MCCC2: variants seen among roughly 807,000 people sequenced by gnomAD.
MCCC2 encodes the protein methylcrotonyl-CoA carboxylase subunit 2.
A neutral mutation model predicts 77.2 loss-of-function variants in MCCC2; 52 were observed. The observed-to-expected ratio is 0.67, with a 90% CI of 0.54 to 0.85. The LOEUF (loss-of-function observed/expected upper bound fraction) is 0.85, where lower values mean the gene tolerates loss of function less well. MCCC2 is among the 40% of genes least tolerant of loss of function. The pLI is 0.00. For missense variants in MCCC2, 682 were observed against 703.2 expected, an observed-to-expected ratio of 0.97 and a Z score of 0.34; for synonymous variants, 253 against 248.4, an observed-to-expected ratio of 1.02 and a Z score of -0.18.
chr5:71,649,234 ATG>A lies in MCCC2; in HGVS notation c.1359_1360del (p.Cys453TrpfsTer5). The A allele has an allele frequency of 6.2e-7, 1 of 1,614,156 alleles. No homozygotes were observed. Among genetic ancestry groups the A allele is most frequent in the East Asian group, 2.2e-5 (1 of 44,886 alleles). ...CTCCTATGGAGCCGGAAACTATGGG[ATG>A]TGTGGCAGAGCATATAGGTAGGTGT... ...GGSYGAGNYG[M>X]CGRAYSPRFL... On this transcript the variant is annotated frameshift_variant, in exon 14 of 17. Coordinates refer to ENST00000340941, the MANE Select transcript of MCCC2 (RefSeq NM_022132.5). LOFTEE classifies it high-confidence loss of function.
chr5:71,596,500 T>A, intron 3 of MCCC2, 136 bp downstream of exon 3: 1 of 821,980 alleles, frequency 1.2e-6, no homozygotes, highest in Non-Finnish European at 2.1e-6. Flanking sequence ...GAGAGCCTAC[T>A]ATGTGTCAAG....
At chr5:71,612,079 C>CAGGCATGAGCCACCGCG (rs1160543089) in intron 6 of MCCC2, among the ~76,000 whole-genome samples, 3 of 152,190 alleles carry the variant, frequency 2.0e-5, no homozygotes, top group Admixed American at 2.0e-4. Context: ...GCTGGGATAA[C>CAGGCATGAGCCACCGCG]AGGCATGAGC....
intron 6 of MCCC2, among the ~76,000 whole-genome samples, chr5:71,614,441 A>G (rs974172788): frequency 2.0e-5 from 3 of 150,136 alleles, no homozygotes; most frequent in Non-Finnish European, 4.4e-5. Context: ...GGAGTTTAAG[A>G]TCTAACGTGG....
intron 4 of MCCC2, 66 bp downstream of exon 4, chr5:71,599,826 C>T (rs1024570846): frequency 8.1e-7 from 1 of 1,236,332 alleles, no homozygotes; most frequent in Non-Finnish European, 1.2e-6. Flanking sequence ...CACAGGCATC[C>T]AGCACTCACT....
At position 71,589,801 on chromosome 5, in the gene MCCC2, C is replaced by T. The variant is rs190141551; in HGVS notation, c.129+2247C>T. ...TGTGCAGTAGGTACAATTGTTATTT[C>T]TGTTTTATAGATGGGAAAACTGTGG... On this transcript the variant is annotated intron_variant, in intron 1 of 16. Transcript: ENST00000340941. Among the ~76,000 whole-genome samples the T allele has an allele frequency of 3.2e-4, 48 of 152,286 alleles. 1 individual carries two copies. The highest frequency in any genetic ancestry group is 2.6e-3 in the Admixed American group (40 of 15,300).
chr5:71,597,485 C>A (rs1407061042), intron 3 of MCCC2, among the ~76,000 whole-genome samples: 1 of 151,776 alleles, frequency 6.6e-6, no homozygotes, highest in Non-Finnish European at 1.5e-5. Context: ...AGGTAGAGGG[C>A]GATTGCAAGG....
intron 6 of MCCC2, among the ~76,000 whole-genome samples, chr5:71,615,045 C>CAAA (rs1321548107): frequency 6.6e-6 from 1 of 152,148 alleles, no homozygotes; most frequent in African/African-American, 2.4e-5. Flanking sequence ...CGGCTCACTG[C>CAAA]AACCTCCACC....
intron 8 of MCCC2, among the ~76,000 whole-genome samples, chr5:71,633,137 A>ATTTTTTT (rs1294234605): frequency 1.5e-5 from 1 of 68,096 alleles, no homozygotes; most frequent in Admixed American, 2.1e-4. Flanking sequence ...ATATATTTTT[A>ATTTTTTT]TTTTTTGTAG....
intron 4 of MCCC2, among the ~76,000 whole-genome samples, chr5:71,600,112 C>T (rs916399012): frequency 6.6e-6 from 1 of 151,996 alleles, no homozygotes; most frequent in Non-Finnish European, 1.5e-5. Flanking sequence ...TTGCAGTGAG[C>T]TGAGATGGAG....
intron 6 of MCCC2, among the ~76,000 whole-genome samples, chr5:71,613,610 C>T (rs1325943528): frequency 2.0e-5 from 3 of 152,078 alleles, no homozygotes; most frequent in Admixed American, 2.0e-4. Flanking sequence ...TGGGCACACA[C>T]CTGTGGTCCT....
Position 71,602,788 on chromosome 5 carries a change from C to T in MCCC2, c.511+155C>T, listed in dbSNP as rs1745492849. ...AAACACAGGTTCTTTGCTGAAAACT[C>T]TGGGGGAAAGTAAACAAGAACTGTT... On this transcript the variant is annotated intron_variant, in intron 5 of 16. Transcript: ENST00000340941. 8 of 1,134,730 alleles carry T rather than the reference C, an allele frequency of 7.1e-6. No homozygotes were observed. The East Asian group carries it at 2.1e-4, about 29-fold the overall frequency. The allele number at this position is 1,134,730 out of a possible 1,614,324, so 70.3% of individuals were successfully genotyped here. A position where few individuals can be genotyped will look rare whatever the true frequency, so the allele number is the denominator to read the frequency against.
At chr5:71,595,519 T>G (rs994683389) in intron 2 of MCCC2, among the ~76,000 whole-genome samples, 1 of 151,886 alleles carries the variant, frequency 6.6e-6, no homozygotes, top group Non-Finnish European at 1.5e-5. Context: ...CTGAAATAGC[T>G]GAACATTTCA....
intron 10 of MCCC2, among the ~76,000 whole-genome samples, chr5:71,640,073 G>A (rs1468000659): frequency 3.9e-5 from 6 of 152,126 alleles, no homozygotes; most frequent in Admixed American, 2.0e-4. Context: ...ACTCCTTACA[G>A]TAGTCCTGAT....
chr5:71,637,104 G>C (rs1313706509), intron 10 of MCCC2, among the ~76,000 whole-genome samples: 4 of 152,178 alleles, frequency 2.6e-5, no homozygotes, highest in Non-Finnish European at 1.5e-5. Context: ...TCAGCTTAAA[G>C]ATACATTATT....
chr5:71,604,542 A>T, intron 6 of MCCC2, 74 bp downstream of exon 6: 1 of 1,110,728 alleles, frequency 9.0e-7, no homozygotes, highest in Non-Finnish European at 1.4e-6. Context: ...GTACTCTGGG[A>T]TGGCTTGAAA....
At chr5:71,618,532 CCTTCCTTCCTTCCTTCCTTT>C (rs1173333291) in intron 6 of MCCC2, among the ~76,000 whole-genome samples, 13 of 57,952 alleles carry the variant, frequency 2.2e-4, no homozygotes, top group Non-Finnish European at 3.4e-4. Flanking sequence ...TTCCTTCCTT[CCTTCCTTCCTTCCTTCCTTT>C]CTTTCTTTCT....
intron 6 of MCCC2, among the ~76,000 whole-genome samples, chr5:71,610,221 C>T (rs1745875723): frequency 6.6e-6 from 1 of 152,222 alleles, no homozygotes; most frequent in Non-Finnish European, 1.5e-5. Flanking sequence ...ATCAGCGAGA[C>T]TCCGTGGGCG....
At chr5:71,650,446 CTT>C (rs1263669060) in intron 15 of MCCC2, among the ~76,000 whole-genome samples, 2 of 152,032 alleles carry the variant, frequency 1.3e-5, no homozygotes, top group African/African-American at 4.8e-5. Context: ...CAAGAAAACA[CTT>C]TTTTATTTTA....
Position 71,596,079 on chromosome 5 carries a change from A to ATT in MCCC2, c.197-193_197-192dup, listed in dbSNP as rs6149065. 6.2e-4 allele frequency among the ~76,000 whole-genome samples: 94 copies of ATT among 151,636 alleles called. 1 individual carries two copies. The East Asian group carries it at 0.01, about 17-fold the overall frequency. Reference sequence around the variant, plus strand: ...ATACTCTAAAATCAGGGATAGATTGATTTTTTTTTAATACCAGTTTTTACA... The same window carrying ATT: ...ATACTCTAAAATCAGGGATAGATTGATTTTTTTTTTTAATACCAGTTTTTACA... On this transcript the variant is annotated intron_variant, in intron 2 of 16. Transcript: ENST00000340941.
Sources: gnomAD v4.1 joint callset for allele counts (sites outside exome capture counted in the v4.1 genomes callset) on GRCh38, gnomAD v4.1.1 for gene constraint, MANE v1.5 for transcripts, NCBI Gene and HGNC (gene_info 2026-07-23, HGNC 2026-07-21) for gene names.